ATP13A5: variants seen among roughly 807,000 people sequenced by gnomAD.
ATP13A5 encodes probable cation-transporting ATPase 13A5.
In ATP13A5, 149 loss-of-function variants were observed where a neutral mutation model predicts 150.2. The observed-to-expected ratio is 0.99, with a 90% CI of 0.87 to 1.14. ATP13A5 has a LOEUF of 1.14. ATP13A5 is among the 50% of genes most tolerant of loss of function. ATP13A5 has a pLI of 0.00. For synonymous variants in ATP13A5, 497 were observed against 522.2 expected (o/e 0.95, Z 0.66); for missense variants, 1,383 against 1,449.3 (o/e 0.95, Z 0.74).
chr3:193,318,224 C>T (rs1009974906), intron 17 of ATP13A5, among the ~76,000 whole-genome samples: 3 of 152,002 alleles, frequency 2.0e-5, no homozygotes, highest in African/African-American at 4.8e-5. Flanking sequence ...AATGTTAAAC[C>T]AAGGATATCA....
Position 193,378,648 on chromosome 3 carries a change from A to G in ATP13A5, c.63+15T>C. 4 of 1,611,280 alleles carry G rather than the reference A, an allele frequency of 2.5e-6. No homozygotes were observed. The highest frequency in any genetic ancestry group is 3.4e-6 in the Non-Finnish European group (4 of 1,177,580). Reference sequence around the variant, plus strand: ...GGCTCTTTGAGAAGACTAATAAAATAAAGGGAAGACTCACCAGTTCATCCT... The same window carrying G: ...GGCTCTTTGAGAAGACTAATAAAATGAAGGGAAGACTCACCAGTTCATCCT... On this transcript the variant is annotated intron_variant, in intron 1 of 29. Coordinates refer to ENST00000342358, the MANE Select transcript of ATP13A5 (RefSeq NM_198505.4).
chr3:193,367,920 C>A (rs1211944130), intron 1 of ATP13A5, among the ~76,000 whole-genome samples: 1 of 141,578 alleles, frequency 7.1e-6, no homozygotes, highest in Non-Finnish European at 1.5e-5. Context: ...TAATATTTAT[C>A]AGTACAGTAC....
chr3:193,340,133 A>G (rs1332242058), intron 9 of ATP13A5, among the ~76,000 whole-genome samples: 1 of 152,190 alleles, frequency 6.6e-6, no homozygotes, highest in Non-Finnish European at 1.5e-5. Flanking sequence ...CATTGCTCAT[A>G]ATCAACTGTA....
chr3:193,335,689 A>T (rs1235751094), intron 9 of ATP13A5, among the ~76,000 whole-genome samples: 1 of 152,144 alleles, frequency 6.6e-6, no homozygotes, highest in Non-Finnish European at 1.5e-5. Flanking sequence ...TTATCATCTC[A>T]TTCTTTTGCT....
At chr3:193,285,985 T>C (rs1717707848) in intron 26 of ATP13A5, among the ~76,000 whole-genome samples, 1 of 152,214 alleles carries the variant, frequency 6.6e-6, no homozygotes, top group Admixed American at 6.5e-5. Flanking sequence ...TATGGGATTT[T>C]TTTGTGGTTT....
intron 1 of ATP13A5, chr3:193,372,229 A>G (rs1428742942): frequency 6.3e-6 from 1 of 159,354 alleles, no homozygotes; most frequent in Non-Finnish European, 1.3e-5. Flanking sequence ...CCTGGGAGGC[A>G]GACGTTGCAG....
chr3:193,301,222 G>A lies in ATP13A5; in HGVS notation c.2764C>T (p.Leu922=), dbSNP rs760084217. 1 of 1,611,934 alleles carries A rather than the reference G, an allele frequency of 6.2e-7. No individual in the cohort carries two copies. Among genetic ancestry groups the A allele is most frequent in the Non-Finnish European group, 8.5e-7 (1 of 1,178,356 alleles). The change falls in exon 24 of 30, where the codon CTG becomes TTG. Residue 922 remains leucine (L), a synonymous_variant. Transcript: ENST00000342358. ...YGIIQFISAL[L]LYWQLQLFGN... is the part of the protein sequence containing the mutation. The stretch of plus-strand genomic sequence containing the variant: ...ATTTTGTTTCATACCCAATAGAGCA[G>A]TAATGCACTGATAAACTGGATTATG...
chr3:193,292,770 C>A (rs1451030825), intron 25 of ATP13A5, among the ~76,000 whole-genome samples: 1 of 152,070 alleles, frequency 6.6e-6, no homozygotes, highest in East Asian at 1.9e-4. Context: ...GGGAGAATAA[C>A]TGCCTGATGG....
intron 26 of ATP13A5, among the ~76,000 whole-genome samples, chr3:193,285,697 A>C (rs191010663): frequency 6.6e-6 from 1 of 152,014 alleles, no homozygotes; most frequent in Non-Finnish European, 1.5e-5. Flanking sequence ...CACTCCAAAC[A>C]TATAGGATTA....
chr3:193,371,528 G>A (rs1320121443), intron 1 of ATP13A5, among the ~76,000 whole-genome samples: 1 of 152,192 alleles, frequency 6.6e-6, no homozygotes, highest in Non-Finnish European at 1.5e-5. Context: ...CACCTGAGCT[G>A]TGCTCCTTCT....
rs1207274286 is a variant in ATP13A5 at position 193,284,904 on chromosome 3, A to T, written c.3226+10T>A. 6.3e-7 allele frequency: 1 copy of T among 1,599,958 alleles called. No homozygotes were observed. The highest frequency in any genetic ancestry group is 8.5e-7 in the Non-Finnish European group (1 of 1,171,358). Reference sequence around the variant, plus strand: ...TATTCAGAAAGAAAAATTAAACTTTATATACTTACAGTTTGTATAGATGGG... The same window carrying T: ...TATTCAGAAAGAAAAATTAAACTTTTTATACTTACAGTTTGTATAGATGGG... On this transcript the variant is annotated intron_variant, in intron 27 of 29. Transcript: ENST00000342358.
chr3:193,359,200 C>T (rs1375150093), intron 5 of ATP13A5, among the ~76,000 whole-genome samples: 1 of 152,298 alleles, frequency 6.6e-6, no homozygotes, highest in African/African-American at 2.4e-5. Flanking sequence ...TCTCCTCCAA[C>T]CAGCCCTTCC....
At chr3:193,285,246 CATACTT>C (rs1287832818) in intron 26 of ATP13A5, 130 bp from the exon 27 acceptor site, 5 of 714,258 alleles carry the variant, frequency 7.0e-6, no homozygotes, top group Non-Finnish European at 1.1e-5. Flanking sequence ...ACTACCAAGA[CATACTT>C]TGTTCACCTC....
In ATP13A5 at chr3:193,345,153, C is replaced by T; in HGVS notation, c.742-78G>A. 2.2e-6 allele frequency: 3 copies of T among 1,346,934 alleles called. No homozygotes were observed. The Admixed American group carries it at 5.1e-5, about 23-fold the overall frequency. 83.4% of individuals were successfully genotyped at this position (1,346,934 alleles called of 1,614,324 possible). A position where few individuals can be genotyped will look rare whatever the true frequency, so the allele number is the denominator to read the frequency against. On this transcript the variant is annotated intron_variant, in intron 7 of 29. Coordinates refer to ENST00000342358, the MANE Select transcript of ATP13A5 (RefSeq NM_198505.4). ...CACATGATCTCATTACAGTAAATAC[C>T]AGGCCAGCTGTCACAGCTAAAGTGA...
Position 193,363,297 on chromosome 3 carries a change from T to C in ATP13A5, c.323A>G (p.Glu108Gly). Reference protein sequence around the residue: ...LKFPVSKKWEESLVADRHSVI... With the variant: ...LKFPVSKKWEGSLVADRHSVI... The stretch of plus-strand genomic sequence containing the variant: ...AGAGTGGCGGTCAGCCACCAGGGAT[T>C]CTTCCCACTTCTTGCTTACAGGAAA... The change falls in exon 3 of 30, where the codon GAA (glutamate) becomes GGA (glycine). Residue 108 changes from glutamate (E) to glycine (G), a missense_variant. Around this residue, in one of 3 missense-constraint regions of ATP13A5, gnomAD observed 787 missense variants for 771.9 expected, o/e 1.02. Coordinates refer to ENST00000342358, the MANE Select transcript of ATP13A5 (RefSeq NM_198505.4). The C allele has an allele frequency of 6.2e-7, 1 of 1,613,998 alleles. No individual in the cohort carries two copies. The highest frequency in any genetic ancestry group is 8.5e-7 in the Non-Finnish European group (1 of 1,179,868).
intron 27 of ATP13A5, 146 bp from the exon 28 acceptor site, chr3:193,279,600 G>A: frequency 1.6e-6 from 1 of 629,440 alleles, no homozygotes. Context: ...TTTGAAATAT[G>A]TTCTAATGCT....
At chr3:193,286,948 G>T (rs1717747603) in intron 26 of ATP13A5, among the ~76,000 whole-genome samples, 1 of 152,118 alleles carries the variant, frequency 6.6e-6, no homozygotes, top group Admixed American at 6.6e-5. Flanking sequence ...GAACAATAAG[G>T]AAGTAAAATG....
At chr3:193,322,467 G>A in intron 15 of ATP13A5, 24 bp downstream of exon 15, 3 of 1,525,330 alleles carry the variant, frequency 2.0e-6, no homozygotes, top group Non-Finnish European at 2.7e-6. Flanking sequence ...AAAGAGCTAT[G>A]TGATGTAAAG....
intron 6 of ATP13A5, among the ~76,000 whole-genome samples, chr3:193,353,318 T>A (rs1455458217): frequency 6.7e-6 from 1 of 148,404 alleles, no homozygotes; most frequent in African/African-American, 2.5e-5. Flanking sequence ...AGGTAAGCAT[T>A]AAAAAAAAAA....
Sources: gnomAD v4.1 joint callset for allele counts (sites outside exome capture counted in the v4.1 genomes callset) on GRCh38, gnomAD v4.1.1 for gene constraint, gnomAD v4.1.1 regional missense constraint, MANE v1.5 for transcripts, NCBI Gene and HGNC (gene_info 2026-07-23, HGNC 2026-07-21) for gene names.